NCEH1: variants seen among roughly 807,000 people sequenced by gnomAD.
The protein encoded by NCEH1 is neutral cholesterol ester hydrolase 1, also known as 2-acetyl MAGE hydrolase.
In NCEH1, 9 loss-of-function variants were observed where a neutral mutation model predicts 25.4. The ratio of observed to expected loss-of-function variants is 0.35; its 90% CI spans 0.21 to 0.62. NCEH1 has a LOEUF of 0.62. Ranked by LOEUF, NCEH1 falls within the 20% of genes least tolerant of loss-of-function variation. NCEH1 has a pLI of 0.72. For missense variants in NCEH1, 412 were observed against 501.1 expected, an observed-to-expected ratio of 0.82 and a Z score of 1.70; for synonymous variants, 200 against 199.8, an observed-to-expected ratio of 1.00 and a Z score of -0.01.
At chr3:172,640,215 G>T (rs1716787367) in intron 3 of NCEH1, among the ~76,000 whole-genome samples, 1 of 152,192 alleles carries the variant, frequency 6.6e-6, no homozygotes. Context: ...GAGAGGATAA[G>T]CCTCACTCCT....
rs142491657 is a variant in NCEH1 at position 172,698,441 on chromosome 3, G to A, written c.138+12406C>T. Among the ~76,000 whole-genome samples, 430 of 152,294 alleles carry A rather than the reference G, an allele frequency of 2.8e-3. 1 individual carries two copies. The highest frequency in any genetic ancestry group is 8.9e-3 in the African/African-American group (371 of 41,558). ...TACCTTGGAAATGATGCATATACCA[G>A]AAACAGTGAGATACACATCTTCCAC... On this transcript the variant is annotated intron_variant, in intron 1 of 4. Transcript: ENST00000475381.
At chr3:172,679,219 G>A (rs550887733) in intron 1 of NCEH1, among the ~76,000 whole-genome samples, 6 of 152,198 alleles carry the variant, frequency 3.9e-5, no homozygotes, top group Non-Finnish European at 5.9e-5. Context: ...ATGACCTAAT[G>A]CTTGCTTGGA....
chr3:172,650,812 GAAAAAAAAAAA>G (rs768170518), intron 1 of NCEH1, among the ~76,000 whole-genome samples: 2 of 35,884 alleles, frequency 5.6e-5, no homozygotes, highest in African/African-American at 9.7e-5. Context: ...ACTCTGCCTC[GAAAAAAAAAAA>G]AAAAAAAAAA....
At chr3:172,694,693 C>T (rs1252565833) in intron 1 of NCEH1, among the ~76,000 whole-genome samples, 1 of 152,188 alleles carries the variant, frequency 6.6e-6, no homozygotes, top group Admixed American at 6.5e-5. Flanking sequence ...GGTTCCTCGG[C>T]TTCTCAGGAC....
intron 3 of NCEH1, among the ~76,000 whole-genome samples, chr3:172,640,711 G>A (rs992282392): frequency 3.9e-5 from 6 of 152,154 alleles, no homozygotes; most frequent in African/African-American, 1.4e-4. Flanking sequence ...GTTTCACCGT[G>A]TTAGCCAGGA....
intron 1 of NCEH1, among the ~76,000 whole-genome samples, chr3:172,664,279 A>T (rs1718100579): frequency 6.6e-6 from 1 of 152,216 alleles, no homozygotes; most frequent in South Asian, 2.1e-4. Context: ...AGAATGTTGA[A>T]TATTGGCCCC....
chr3:172,657,298 G>A (rs1250487456), intron 1 of NCEH1, among the ~76,000 whole-genome samples: 1 of 151,976 alleles, frequency 6.6e-6, no homozygotes, highest in Non-Finnish European at 1.5e-5. Flanking sequence ...ACATCTCCAG[G>A]ATCTAGCCTA....
At chr3:172,674,576 A>G (rs918246494) in intron 1 of NCEH1, among the ~76,000 whole-genome samples, 1 of 113,362 alleles carries the variant, frequency 8.8e-6, no homozygotes, top group Admixed American at 7.6e-5. Flanking sequence ...CTTCTTTTTA[A>G]CGCATTATTT....
At chr3:172,686,896 TG>T (rs1479705444) in intron 1 of NCEH1, among the ~76,000 whole-genome samples, 1 of 152,150 alleles carries the variant, frequency 6.6e-6, no homozygotes, top group Non-Finnish European at 1.5e-5. Context: ...CATTTTTTCT[TG>T]GGGGAGGGAG....
chr3:172,681,766 G>C (rs1434002448), intron 1 of NCEH1, among the ~76,000 whole-genome samples: 3 of 149,504 alleles, frequency 2.0e-5, no homozygotes, highest in Non-Finnish European at 4.4e-5. Context: ...AATTAGCCAG[G>C]CATGATGGCG....
At chr3:172,709,872 AG>A (rs1358697203) in intron 1 of NCEH1, among the ~76,000 whole-genome samples, 1 of 152,202 alleles carries the variant, frequency 6.6e-6, no homozygotes, top group East Asian at 1.9e-4. Flanking sequence ...GGGAGGGAGG[AG>A]GCTTGGTTTT....
intron 1 of NCEH1, among the ~76,000 whole-genome samples, chr3:172,667,950 C>G (rs1683920590): frequency 6.6e-6 from 1 of 152,170 alleles, no homozygotes; most frequent in Admixed American, 6.5e-5. Context: ...TTCCAGGGAA[C>G]CATTTGAGGA....
intron 1 of NCEH1, among the ~76,000 whole-genome samples, chr3:172,671,017 A>G (rs1320201079): frequency 2.0e-5 from 3 of 152,224 alleles, no homozygotes; most frequent in African/African-American, 7.2e-5. Context: ...CTATGACTGG[A>G]TATTGAAATA....
At chr3:172,674,099 C>A (rs1297126059) in intron 1 of NCEH1, among the ~76,000 whole-genome samples, 6 of 152,076 alleles carry the variant, frequency 3.9e-5, no homozygotes, top group African/African-American at 1.4e-4. Flanking sequence ...CTTTATTTAA[C>A]CCAAGAAATG....
At chr3:172,661,045 C>A (rs1717949217) in intron 1 of NCEH1, among the ~76,000 whole-genome samples, 1 of 152,160 alleles carries the variant, frequency 6.6e-6, no homozygotes, top group African/African-American at 2.4e-5. Flanking sequence ...GAAGCCCTTG[C>A]CCATGCCTAT....
At chr3:172,664,587 T>G (rs1319318862) in intron 1 of NCEH1, among the ~76,000 whole-genome samples, 1 of 152,262 alleles carries the variant, frequency 6.6e-6, no homozygotes, top group Non-Finnish European at 1.5e-5. Context: ...CCCGTCACTT[T>G]CAGGTACACC....
intron 1 of NCEH1, among the ~76,000 whole-genome samples, chr3:172,673,241 G>C (rs1243948620): frequency 6.6e-6 from 1 of 152,194 alleles, no homozygotes; most frequent in African/African-American, 2.4e-5. Context: ...TGTCATAGTA[G>C]CTCTACTAGT....
At chr3:172,645,419 T>C (rs1717073193) in intron 3 of NCEH1, among the ~76,000 whole-genome samples, 1 of 152,236 alleles carries the variant, frequency 6.6e-6, no homozygotes, top group South Asian at 2.1e-4. Context: ...AAAAGGTAAT[T>C]TGAAGTGTTA....
intron 1 of NCEH1, among the ~76,000 whole-genome samples, chr3:172,697,686 G>T (rs1188531300): frequency 6.6e-6 from 1 of 152,100 alleles, no homozygotes; most frequent in Admixed American, 6.6e-5. Flanking sequence ...AGGGAGAAGG[G>T]GAAGACAGAA....
Sources: allele counts gnomAD v4.1 joint callset (sites outside exome capture counted in the v4.1 genomes callset), GRCh38; gene constraint gnomAD v4.1.1; transcripts MANE v1.5; gene names NCBI Gene and HGNC (gene_info 2026-07-23, HGNC 2026-07-21).